RARB: variants seen among roughly 807,000 people sequenced by gnomAD.
RARB encodes HBV-activated protein.
RARB carries 17 observed loss-of-function variants against 51.9 expected under a neutral mutation model. That is an observed-to-expected ratio of 0.33 (90% confidence interval 0.22 to 0.49). The LOEUF is 0.49. Among genes scored for constraint, RARB ranks in the 20% least tolerant of loss-of-function variants. The pLI, the probability that RARB is intolerant of heterozygous loss-of-function variation, is 0.99. For synonymous variants in RARB, 215 were observed against 195.4 expected (o/e 1.10, Z -0.84); for missense variants, 369 against 550.8 (o/e 0.67, Z 3.30).
chr3:25,025,401 G>T (rs943664265), intron 2 of RARB, among the ~76,000 whole-genome samples: 1 of 152,116 alleles, frequency 6.6e-6, no homozygotes, highest in Admixed American at 6.5e-5. Flanking sequence ...AAACTAAACT[G>T]TATAGACTTG....
intron 3 of RARB, among the ~76,000 whole-genome samples, chr3:25,113,013 A>G (rs1252577137): frequency 6.6e-6 from 1 of 152,148 alleles, no homozygotes; most frequent in Non-Finnish European, 1.5e-5. Flanking sequence ...AGCATCATTG[A>G]GAGCCAGTTT....
chr3:25,388,703 A>G (rs1559381469), intron 5 of RARB, among the ~76,000 whole-genome samples: 1 of 152,234 alleles, frequency 6.6e-6, no homozygotes, highest in Non-Finnish European at 1.5e-5. Context: ...TTAGCATAAG[A>G]AAGTAGTTTA....
chr3:24,926,482 C>A (rs894795386), intron 2 of RARB, among the ~76,000 whole-genome samples: 1 of 151,990 alleles, frequency 6.6e-6, no homozygotes, highest in Non-Finnish European at 1.5e-5. Flanking sequence ...AGAAGTGGAA[C>A]CATTATCTAT....
intron 4 of RARB, 103 bp from the exon 5 acceptor site, chr3:25,580,443 A>G (rs1701125634): frequency 1.7e-6 from 2 of 1,148,882 alleles, no homozygotes; most frequent in African/African-American, 3.1e-5. Context: ...CTGCCTGCTC[A>G]AGGCTGACAT....
At chr3:24,898,811 C>G (rs545987415) in intron 2 of RARB, among the ~76,000 whole-genome samples, 1 of 152,070 alleles carries the variant, frequency 6.6e-6, no homozygotes, top group African/African-American at 2.4e-5. Context: ...CTTCCTGTTG[C>G]GAAATATGGC....
chr3:24,991,472 GA>G (rs1208947546), intron 2 of RARB, among the ~76,000 whole-genome samples: 2 of 150,210 alleles, frequency 1.3e-5, no homozygotes, highest in Non-Finnish European at 3.0e-5. Context: ...AAAAGAAAAA[GA>G]AAAAAATTAG....
chr3:24,901,033 C>A (rs187888467), intron 2 of RARB, among the ~76,000 whole-genome samples: 2 of 152,200 alleles, frequency 1.3e-5, no homozygotes, highest in Non-Finnish European at 1.5e-5. Flanking sequence ...TGTGTTTTTC[C>A]CTCCACTAGT....
At chr3:24,874,729 G>A (rs1671603446) in intron 2 of RARB, among the ~76,000 whole-genome samples, 1 of 150,768 alleles carries the variant, frequency 6.6e-6, no homozygotes, top group Non-Finnish European at 1.5e-5. Context: ...ACTGGATTTT[G>A]GCAGTCTTTA....
intron 4 of RARB, among the ~76,000 whole-genome samples, chr3:25,153,496 A>G (rs1299331690): frequency 6.6e-6 from 1 of 152,194 alleles, no homozygotes; most frequent in Non-Finnish European, 1.5e-5. Flanking sequence ...CAGATCAGAT[A>G]CTGACAATTC....
intron 2 of RARB, among the ~76,000 whole-genome samples, chr3:24,873,899 A>C (rs972918678): frequency 6.6e-6 from 1 of 152,088 alleles, no homozygotes; most frequent in African/African-American, 2.4e-5. Flanking sequence ...CTTTGTACCC[A>C]TAGGTTTTGC....
intron 5 of RARB, among the ~76,000 whole-genome samples, chr3:25,368,833 A>G (rs1053015998): frequency 9.9e-5 from 15 of 152,178 alleles, no homozygotes; most frequent in Non-Finnish European, 2.2e-4. Flanking sequence ...TACAGATTCT[A>G]ACAGATGATT....
At position 24,929,863 on chromosome 3, in the gene RARB, C is replaced by G. The variant is rs1190019264; in HGVS notation, c.-380+71111C>G. 2.6e-5 allele frequency among the ~76,000 whole-genome samples: 4 copies of G among 152,206 alleles called. No individual in the cohort carries two copies. In the East Asian group the frequency reaches 5.8e-4, roughly 22 times the overall value. On this transcript the variant is annotated intron_variant, in intron 2 of 11. Transcript: ENST00000383772. ...AAAAATTCTTAACCATGATAAAGAA[C>G]TTAGTAATTATGAAAAGTAATTCTT...
intron 5 of RARB, among the ~76,000 whole-genome samples, chr3:25,300,576 A>T (rs1704016571): frequency 2.0e-5 from 3 of 152,198 alleles, no homozygotes; most frequent in Admixed American, 2.0e-4. Flanking sequence ...GAAGGAACCA[A>T]AGCTTTCTGT....
chr3:25,545,371 G>A (rs758093315), intron 3 of RARB, among the ~76,000 whole-genome samples: 3 of 152,158 alleles, frequency 2.0e-5, no homozygotes, highest in South Asian at 2.1e-4. Context: ...AAGGTGCTCA[G>A]TGTGGCTTAG....
At chr3:25,365,794 C>G (rs1396242780) in intron 5 of RARB, among the ~76,000 whole-genome samples, 5 of 152,154 alleles carry the variant, frequency 3.3e-5, no homozygotes, top group Non-Finnish European at 7.4e-5. Context: ...GGTAATCTAA[C>G]TTGTTATGGG....
chr3:25,048,613 T>G (rs1200289953), intron 2 of RARB, among the ~76,000 whole-genome samples: 1 of 152,192 alleles, frequency 6.6e-6, no homozygotes, highest in Non-Finnish European at 1.5e-5. Flanking sequence ...GGCAGAAAAT[T>G]AGTGGTTTCT....
intron 2 of RARB, among the ~76,000 whole-genome samples, chr3:24,938,467 T>C (rs1173247439): frequency 2.4e-4 from 37 of 152,206 alleles, no homozygotes; most frequent in Admixed American, 2.4e-3. Flanking sequence ...TGTTTCTCGT[T>C]AATTAAAAAA....
chr3:25,089,725 A>G (rs1699164171), intron 3 of RARB, among the ~76,000 whole-genome samples: 1 of 152,178 alleles, frequency 6.6e-6, no homozygotes, highest in South Asian at 2.1e-4. Flanking sequence ...TTGAAAGAGA[A>G]GCCAAGAATA....
intron 1 of RARB, among the ~76,000 whole-genome samples, chr3:25,435,198 G>A (rs566682461): frequency 6.6e-6 from 1 of 152,272 alleles, no homozygotes; most frequent in East Asian, 1.9e-4. Flanking sequence ...TGGAATGTTT[G>A]CTATGTTGTT....
Sources: gnomAD v4.1 joint callset for allele counts (sites outside exome capture counted in the v4.1 genomes callset) on GRCh38, gnomAD v4.1.1 for gene constraint, MANE v1.5 for transcripts, NCBI Gene and HGNC (gene_info 2026-07-23, HGNC 2026-07-21) for gene names.